The following CLVS1 variants were observed in gnomAD, a reference collection of about 807,000 sequenced individuals.
CLVS1 encodes clavesin-1.
Under a neutral mutation model 33.1 loss-of-function variants are expected in CLVS1, and 10 were observed. The observed-to-expected ratio is 0.30, with a 90% CI of 0.19 to 0.51. The LOEUF (loss-of-function observed/expected upper bound fraction) is 0.51, where lower values mean the gene tolerates loss of function less well. Ranked by LOEUF, CLVS1 falls within the 20% of genes least tolerant of loss-of-function variation. The pLI is 0.97. For synonymous variants in CLVS1, 163 were observed against 166.1 expected, an observed-to-expected ratio of 0.98 and a Z score of 0.14; for missense variants, 343 against 433.4, an observed-to-expected ratio of 0.79 and a Z score of 1.85.
chr8:61,114,836 CCTT>C (rs897610488), intron 1 of CLVS1, among the ~76,000 whole-genome samples: 57 of 152,282 alleles, frequency 3.7e-4, no homozygotes, highest in African/African-American at 1.2e-3. Context: ...ATACTACTCT[CCTT>C]CTATTTTTTT....
At chr8:61,236,064 G>C (rs1165238471) in intron 2 of CLVS1, among the ~76,000 whole-genome samples, 2 of 152,108 alleles carry the variant, frequency 1.3e-5, no homozygotes, top group East Asian at 3.9e-4. Context: ...TTCCACCCTT[G>C]GTGAGAAAGC....
the CLVS1 span, among the ~76,000 whole-genome samples, chr8:61,021,190 T>C: frequency 2.0e-5 from 3 of 152,174 alleles, no homozygotes; most frequent in Non-Finnish European, 4.4e-5. Context: ...ACTGAGAAAC[T>C]GAGGAAAGAG....
At chr8:61,208,722 G>T (rs1222217159) in intron 2 of CLVS1, among the ~76,000 whole-genome samples, 1 of 152,084 alleles carries the variant, frequency 6.6e-6, no homozygotes, top group African/African-American at 2.4e-5. Context: ...TAAGTAGCTG[G>T]GACTACAGGC....
At chr8:61,047,244 A>G in the CLVS1 span, among the ~76,000 whole-genome samples, 8 of 152,220 alleles carry the variant, frequency 5.3e-5, no homozygotes, top group Non-Finnish European at 1.5e-5. Context: ...ATGCAAATCA[A>G]AACCACAATG....
At chr8:61,281,223 G>A (rs149906142) in intron 2 of CLVS1, among the ~76,000 whole-genome samples, 12 of 152,192 alleles carry the variant, frequency 7.9e-5, no homozygotes, top group Non-Finnish European at 1.5e-4. Flanking sequence ...AGAAGGATGA[G>A]TGCAGGGCTG....
At chr8:61,093,467 T>A (rs1328963834) in intron 1 of CLVS1, among the ~76,000 whole-genome samples, 1 of 152,190 alleles carries the variant, frequency 6.6e-6, no homozygotes, top group Non-Finnish European at 1.5e-5. Flanking sequence ...GGAAAAAGAT[T>A]GCTCATTATA....
At chr8:61,288,310 C>A in intron 1 of CLVS1, 172 bp downstream of exon 1, 1 of 455,418 alleles carries the variant, frequency 2.2e-6, no homozygotes, top group Non-Finnish European at 4.4e-6. Context: ...CCGCCGCCTC[C>A]GCGGTCCATC....
At chr8:61,139,453 C>T (rs371968349) in intron 2 of CLVS1, among the ~76,000 whole-genome samples, 4 of 152,342 alleles carry the variant, frequency 2.6e-5, no homozygotes, top group East Asian at 1.9e-4. Flanking sequence ...CTTCTCCGCG[C>T]TTTAAGATGG....
chr8:61,116,105 T>G (rs1324053238), intron 1 of CLVS1, among the ~76,000 whole-genome samples: 1 of 151,898 alleles, frequency 6.6e-6, no homozygotes, highest in East Asian at 1.9e-4. Flanking sequence ...TGGTTTTGAT[T>G]TGCATTTCTC....
intron 5 of CLVS1, among the ~76,000 whole-genome samples, chr8:61,471,124 C>T (rs1004747445): frequency 6.6e-6 from 1 of 152,170 alleles, no homozygotes; most frequent in Non-Finnish European, 1.5e-5. Flanking sequence ...CTTCATTTTC[C>T]TATCTGGTCA....
At chr8:61,182,369 G>T (rs942438444) in intron 2 of CLVS1, among the ~76,000 whole-genome samples, 1 of 152,096 alleles carries the variant, frequency 6.6e-6, no homozygotes, top group Non-Finnish European at 1.5e-5. Context: ...CACAGCAAAA[G>T]AAACTATCAT....
the CLVS1 span, among the ~76,000 whole-genome samples, chr8:60,985,628 C>T: frequency 2.0e-5 from 3 of 152,068 alleles, no homozygotes; most frequent in African/African-American, 7.2e-5. Flanking sequence ...AAATATTTAC[C>T]AGTTCTGAAA....
At chr8:61,013,445 T>C in the CLVS1 span, among the ~76,000 whole-genome samples, 1 of 152,042 alleles carries the variant, frequency 6.6e-6, no homozygotes, top group Admixed American at 6.6e-5. Flanking sequence ...GGCCTGGGAG[T>C]CTCTGCATCT....
chr8:61,179,944 G>A (rs1339321402), intron 2 of CLVS1, among the ~76,000 whole-genome samples: 2 of 152,106 alleles, frequency 1.3e-5, no homozygotes, highest in African/African-American at 4.8e-5. Context: ...AGAGGCAAGA[G>A]CAAACAAATC....
intron 5 of CLVS1, among the ~76,000 whole-genome samples, chr8:61,481,817 A>G (rs912669687): frequency 1.2e-4 from 19 of 152,188 alleles, no homozygotes; most frequent in African/African-American, 4.6e-4. Flanking sequence ...TGCAGACTTA[A>G]ATGTCCCTGT....
chr8:61,240,463 T>C (rs1431498845), intron 2 of CLVS1, among the ~76,000 whole-genome samples: 1 of 152,202 alleles, frequency 6.6e-6, no homozygotes, highest in Non-Finnish European at 1.5e-5. Flanking sequence ...CCTCTGTACA[T>C]CACTTTGAGT....
chr8:61,485,797 A>G (rs11993625), intron 5 of CLVS1, among the ~76,000 whole-genome samples: 112,253 of 152,062 alleles, frequency 0.74, 43,311 homozygotes, highest in Non-Finnish European at 0.86. Context: ...CCTTTGTAGG[A>G]ACATGGATGA....
chr8:61,231,261 C>T (rs960215176), intron 2 of CLVS1, among the ~76,000 whole-genome samples: 1 of 150,326 alleles, frequency 6.7e-6, no homozygotes, highest in African/African-American at 2.5e-5. Flanking sequence ...TCCTGCAAAA[C>T]CCATGCATAT....
intron 1 of CLVS1, among the ~76,000 whole-genome samples, chr8:61,125,551 C>A (rs922099489): frequency 6.6e-6 from 1 of 152,136 alleles, no homozygotes; most frequent in Non-Finnish European, 1.5e-5. Flanking sequence ...CCTTTAAAAC[C>A]CAAGATCAAA....
Sources: gnomAD v4.1 joint callset for allele counts (sites outside exome capture counted in the v4.1 genomes callset) on GRCh38, gnomAD v4.1.1 for gene constraint, MANE v1.5 for transcripts, NCBI Gene and HGNC (gene_info 2026-07-23, HGNC 2026-07-21) for gene names.